FOXF2: variants seen among roughly 807,000 people sequenced by gnomAD.
FOXF2 encodes the protein forkhead box protein F2.
FOXF2 carries 15 observed loss-of-function variants against 29.1 expected under a neutral mutation model. The ratio of observed to expected loss-of-function variants is 0.52; its 90% CI spans 0.35 to 0.79. The LOEUF (loss-of-function observed/expected upper bound fraction) is 0.79, where lower values mean the gene tolerates loss of function less well. FOXF2 is among the 30% of genes least tolerant of loss of function. The pLI is 0.01. For missense variants in FOXF2, 675 were observed against 667.1 expected (o/e 1.01, Z -0.13); for synonymous variants, 337 against 316.5 (o/e 1.06, Z -0.69).
intron 1 of FOXF2, 137 bp from the exon 2 acceptor site, chr6:1,394,559 G>T: frequency 1.3e-6 from 1 of 769,218 alleles, no homozygotes; most frequent in Non-Finnish European, 2.2e-6. Context: ...TCTAAAGCTG[G>T]GCTTTCTCTA....
In FOXF2 at chr6:1,390,198, G is replaced by A; in HGVS notation, c.251G>A (p.Gly84Glu). 16 of 1,488,862 alleles carry A rather than the reference G, an allele frequency of 1.1e-5. 1 individual carries two copies. Among genetic ancestry groups the A allele is most frequent in the Non-Finnish European group, 1.3e-5 (15 of 1,123,420 alleles). The allele number at this position is 1,488,862 out of a possible 1,614,324, so 92.2% of individuals were successfully genotyped here. Residue 84 changes from glycine (G) to glutamate (E), a missense_variant, in exon 1 of 2, where the codon GGG becomes GAG. By Grantham distance (98) the Gly-to-Glu change is moderately conservative. Around this residue, in one of 3 missense-constraint regions of FOXF2, gnomAD observed 220 missense variants for 205.5 expected, o/e 1.07. Coordinates refer to ENST00000645481, the MANE Select transcript of FOXF2 (RefSeq NM_001452.2). The surrounding 1 kb of genome is among the most constrained non-coding windows in gnomAD (Gnocchi z 8.5). ...KSAGGGGAGAGSGGAKKASSG... is the reference protein window; with the variant it reads ...KSAGGGGAGAESGGAKKASSG... ...GCGGGCGGCGGCGGCGCGGGCGCCG[G>A]GAGCGGGGGCGCCAAGAAGGCGAGC... is the stretch of plus-strand genomic sequence containing the variant.
Position 1,390,581 on chromosome 6 carries a change from A to C in FOXF2, c.634A>C (p.Ser212Arg). The change falls in exon 1 of 2, where the codon AGC becomes CGC. Residue 212 changes from serine to arginine, a missense_variant. Ser to Arg is a moderately radical substitution (Grantham distance 110, BLOSUM62 -1). Around this residue, in one of 3 missense-constraint regions of FOXF2, gnomAD observed 451 missense variants for 437.2 expected, o/e 1.03. Transcript: ENST00000645481. This position sits in a 1 kb window ranked among gnomAD's most constrained non-coding sequence, Gnocchi z 8.5. ...CAAGCCCATGTACCACCGCGTGGTG[A>C]GCGGCTTGGGCTTCGGGGCGTCGCT... ...ALKPMYHRVV[S>R]GLGFGASLLP... 1.3e-6 allele frequency: 2 copies of C among 1,599,956 alleles called. No individual in the cohort carries two copies. The highest frequency in any genetic ancestry group is 1.7e-6 in the Non-Finnish European group (2 of 1,176,752).
Position 1,390,648 on chromosome 6 carries a change from C to T in FOXF2, c.701C>T (p.Pro234Leu). ...GFDFQAPPSA[P>L]LGCHSQGGYG... ...GACTTCCAGGCGCCCCCGTCGGCGC[C>T]GCTCGGCTGCCACAGCCAGGGCGGC... is the stretch of plus-strand genomic sequence containing the variant. Residue 234 changes from proline (P) to leucine (L), a missense_variant, in exon 1 of 2, where the codon CCG (proline) becomes CTG (leucine). Around this residue, in one of 3 missense-constraint regions of FOXF2, gnomAD observed 451 missense variants for 437.2 expected, o/e 1.03. Transcript: ENST00000645481. This position sits in a 1 kb window ranked among gnomAD's most constrained non-coding sequence, Gnocchi z 8.5. 6.4e-7 allele frequency: 1 copy of T among 1,570,898 alleles called. No individual in the cohort carries two copies. Among genetic ancestry groups the T allele is most frequent in the Non-Finnish European group, 8.6e-7 (1 of 1,167,246 alleles).
In FOXF2 at chr6:1,390,265, C is replaced by A; in HGVS notation, c.318C>A (p.Ile106=). Residue 106 remains isoleucine, a synonymous_variant, in exon 1 of 2, where the codon ATC becomes ATA. Coordinates refer to ENST00000645481, the MANE Select transcript of FOXF2 (RefSeq NM_001452.2). This position sits in a 1 kb window ranked among gnomAD's most constrained non-coding sequence, Gnocchi z 8.5. Reference sequence around the variant, plus strand: ...CCGAGAAGCCGCCCTACTCGTACATCGCGCTCATCGTCATGGCCATCCAGA... The same window carrying A: ...CCGAGAAGCCGCCCTACTCGTACATAGCGCTCATCGTCATGGCCATCCAGA... The part of the protein sequence containing the change: ...RRPEKPPYSY[I]ALIVMAIQSS... 1 of 1,611,758 alleles carries A rather than the reference C, an allele frequency of 6.2e-7. No individual in the cohort carries two copies.
At chr6:1,391,142 G>A in intron 1 of FOXF2, 24 bp downstream of exon 1, 4 of 1,598,278 alleles carry the variant, frequency 2.5e-6, no homozygotes, top group Non-Finnish European at 3.4e-6. Flanking sequence ...CTCCAGCCCA[G>A]CCAGCTGGGC....
chr6:1,394,909 G>A lies in FOXF2; in HGVS notation c.*50G>A, dbSNP rs533351823. ...GCTCTCTCCTCTCCCCTCCTCAGAG[G>A]GGGCAGATAGAAACTGGGACGGATT... On this transcript the variant is annotated 3_prime_UTR_variant, in exon 2 of 2. Transcript: ENST00000645481. 4.0e-5 allele frequency: 63 copies of A among 1,594,174 alleles called. No individual in the cohort carries two copies. The highest frequency in any genetic ancestry group is 5.2e-5 in the Non-Finnish European group (60 of 1,162,594).
rs942660172 is a variant in FOXF2 at position 1,390,604 on chromosome 6, G to T, written c.657G>T (p.Ser219=). The T allele has an allele frequency of 6.3e-6, 10 of 1,594,100 alleles. No individual in the cohort carries two copies. In the African/African-American group the frequency reaches 1.1e-4, roughly 17 times the overall value. Residue 219 remains serine, a synonymous_variant, in exon 1 of 2, where the codon TCG becomes TCT. Transcript: ENST00000645481. This position sits in a 1 kb window ranked among gnomAD's most constrained non-coding sequence, Gnocchi z 8.5. ...RVVSGLGFGA[S]LLPQGFDFQA... ...TGAGCGGCTTGGGCTTCGGGGCGTC[G>T]CTGCTGCCCCAGGGCTTCGACTTCC...
Position 1,391,081 on chromosome 6 carries a change from G to C in FOXF2, c.1134G>C (p.Gln378His). The C allele has an allele frequency of 2.5e-6, 4 of 1,603,890 alleles. No individual in the cohort carries two copies. Among genetic ancestry groups the C allele is most frequent in the Admixed American group, 1.7e-5 (1 of 59,926 alleles). Residue 378 changes from glutamine to histidine, a missense_variant, in exon 1 of 2, where the codon CAG becomes CAC. Transcript: ENST00000645481. ...HSSMSSYSLE[Q>H]SYLHQNARED... ...GCATGTCCTCCTACTCGCTGGAGCA[G>C]AGCTACTTGCACCAGAACGCTCGCG...
At position 1,390,712 on chromosome 6, in the gene FOXF2, C is replaced by A; in HGVS notation, c.765C>A (p.Ala255=). ...GLDMMPAGYD[A]GAGAPSHAHP... is the part of the protein sequence containing the mutation. ...ACATGATGCCCGCGGGCTACGACGC[C>A]GGCGCGGGCGCCCCCAGCCACGCGC... is the stretch of plus-strand genomic sequence containing the variant. Residue 255 remains alanine (A), a synonymous_variant, in exon 1 of 2, where the codon GCC becomes GCA. Transcript: ENST00000645481. This position sits in a 1 kb window ranked among gnomAD's most constrained non-coding sequence, Gnocchi z 8.5. 1 of 1,446,478 alleles carries A rather than the reference C, an allele frequency of 6.9e-7. No homozygotes were observed. Among genetic ancestry groups the A allele is most frequent in the Non-Finnish European group, 9.0e-7 (1 of 1,110,710 alleles). 89.6% of individuals were successfully genotyped at this position (1,446,478 alleles called of 1,614,324 possible). A position where few individuals can be genotyped will look rare whatever the true frequency, so the allele number is the denominator to read the frequency against.
intron 1 of FOXF2, among the ~76,000 whole-genome samples, chr6:1,393,168 G>A (rs957138254): frequency 6.6e-6 from 1 of 151,690 alleles, no homozygotes; most frequent in African/African-American, 2.4e-5. Flanking sequence ...CACCCAGCAC[G>A]ACCCTCCCTC....
rs369747169 is a variant in FOXF2, at chr6:1,391,127, G to A, written c.1171+9G>A. On this transcript the variant is annotated intron_variant, in intron 1 of 1. Coordinates refer to ENST00000645481, the MANE Select transcript of FOXF2 (RefSeq NM_001452.2). ...TCGCGAGGACCTCTCAGGTAACGCA[G>A]CACGCTCCAGCCCAGCCAGCTGGGC... 14 of 1,599,692 alleles carry A rather than the reference G, an allele frequency of 8.8e-6. No homozygotes were observed. The highest frequency in any genetic ancestry group is 2.2e-5 in the East Asian group (1 of 44,858).
intron 1 of FOXF2, 138 bp from the exon 2 acceptor site, chr6:1,394,557 TG>T: frequency 1.3e-6 from 1 of 761,512 alleles, no homozygotes; most frequent in Non-Finnish European, 2.3e-6. Flanking sequence ...CTTCTAAAGC[TG>T]GGCTTTCTCT....
Position 1,390,304 on chromosome 6 carries a change from G to A in FOXF2, c.357G>A (p.Lys119=). The A allele has an allele frequency of 3.1e-6, 5 of 1,613,008 alleles. No individual in the cohort carries two copies. The highest frequency in any genetic ancestry group is 4.2e-6 in the Non-Finnish European group (5 of 1,179,842). The change falls in exon 1 of 2, where the codon AAG becomes AAA. Residue 119 remains lysine (K), a synonymous_variant. Transcript: ENST00000645481. This position sits in a 1 kb window ranked among gnomAD's most constrained non-coding sequence, Gnocchi z 8.5. The stretch of plus-strand genomic sequence containing the variant: ...TGGCCATCCAGAGCTCGCCCAGCAA[G>A]CGCCTGACGCTCAGCGAGATCTACC... ...IVMAIQSSPS[K]RLTLSEIYQF...
chr6:1,392,434 TCA>T (rs71738664), intron 1 of FOXF2, among the ~76,000 whole-genome samples: 8,674 of 107,512 alleles, frequency 0.081, 314 homozygotes, highest in Non-Finnish European at 0.087. Flanking sequence ...CGGCTGTCAA[TCA>T]CACACACACA....
In FOXF2 at chr6:1,395,253, A is replaced by G; in HGVS notation, c.*394A>G. The G allele has an allele frequency of 4.4e-6, 1 of 227,454 alleles. No individual in the cohort carries two copies. The highest frequency in any genetic ancestry group is 8.8e-6 in the Non-Finnish European group (1 of 113,840). The allele number at this position is 227,454 out of a possible 1,614,324, so 14.1% of individuals were successfully genotyped here. A position where few individuals can be genotyped will look rare whatever the true frequency, so the allele number is the denominator to read the frequency against. ...AAACTTGTGTGCTTTTCAAAAAGGC[A>G]GTGCTAAGCACAAGATTTCAAGAAA... On this transcript the variant is annotated 3_prime_UTR_variant, in exon 2 of 2. Coordinates refer to ENST00000645481, the MANE Select transcript of FOXF2 (RefSeq NM_001452.2).
Position 1,390,825 on chromosome 6 carries a change from G to C in FOXF2, c.878G>C (p.Gly293Ala). ...TYMASCPVPA[G>A]PGGVGAAGGG... ...ATGGCCAGCTGCCCGGTGCCCGCGG[G>C]ACCCGGGGGCGTCGGTGCGGCCGGG... Residue 293 changes from glycine to alanine, a missense_variant, in exon 1 of 2, where the codon GGA (glycine) becomes GCA (alanine). By Grantham distance (60) the Gly-to-Ala change is moderately conservative (BLOSUM62 0). Coordinates refer to ENST00000645481, the MANE Select transcript of FOXF2 (RefSeq NM_001452.2). The surrounding 1 kb of genome is among the most constrained non-coding windows in gnomAD (Gnocchi z 8.5). The C allele has an allele frequency of 7.2e-7, 1 of 1,391,276 alleles. No individual in the cohort carries two copies. The highest frequency in any genetic ancestry group is 9.2e-7 in the Non-Finnish European group (1 of 1,085,574). 86.2% of individuals were successfully genotyped at this position (1,391,276 alleles called of 1,614,324 possible). A position where few individuals can be genotyped will look rare whatever the true frequency, so the allele number is the denominator to read the frequency against.
chr6:1,391,157 C>CTGGAG (rs1461260614), intron 1 of FOXF2, 39 bp downstream of exon 1: 6 of 1,595,308 alleles, frequency 3.8e-6, no homozygotes, highest in African/African-American at 2.7e-5. Context: ...CTGGGCGCAC[C>CTGGAG]GCTTCTAGGC....
chr6:1,394,173 C>G (rs890986693), intron 1 of FOXF2, among the ~76,000 whole-genome samples: 1 of 152,212 alleles, frequency 6.6e-6, no homozygotes, highest in Non-Finnish European at 1.5e-5. Flanking sequence ...TCTATCGTCC[C>G]CTTTGGCACA....
chr6:1,389,894 C>T lies in FOXF2; in HGVS notation c.-54C>T. 1 of 713,022 alleles carries T rather than the reference C, an allele frequency of 1.4e-6. No individual in the cohort carries two copies. Among genetic ancestry groups the T allele is most frequent in the Non-Finnish European group, 1.7e-6 (1 of 582,710 alleles). The allele number at this position is 713,022 out of a possible 1,614,324, so 44.2% of individuals were successfully genotyped here. A position where few individuals can be genotyped will look rare whatever the true frequency, so the allele number is the denominator to read the frequency against. On this transcript the variant is annotated 5_prime_UTR_variant, in exon 1 of 2. Transcript: ENST00000645481. The stretch of plus-strand genomic sequence containing the variant: ...CTGGGCCGACCCCGCTCCGGCGCCT[C>T]CGCTTCCCGCCCGGGGCCCGCCCTC...
Sources: gnomAD v4.1 joint callset for allele counts (sites outside exome capture counted in the v4.1 genomes callset) on GRCh38, gnomAD v4.1.1 for gene constraint, gnomAD v4.1.1 regional missense constraint, Gnocchi (gnomAD v3.1) non-coding constraint, MANE v1.5 for transcripts, NCBI Gene and HGNC (gene_info 2026-07-23, HGNC 2026-07-21) for gene names.